The following NDUFAF2 variants were observed in gnomAD, a reference collection of about 807,000 sequenced individuals.
NDUFAF2 encodes the protein NADH:ubiquinone oxidoreductase complex assembly factor 2.
NDUFAF2 carries 13 observed loss-of-function variants against 22.8 expected under a neutral mutation model. The observed-to-expected ratio is 0.57, with a 90% confidence interval of 0.37 to 0.91. NDUFAF2 has a LOEUF of 0.91. Ranked by LOEUF, NDUFAF2 falls within the 40% of genes least tolerant of loss-of-function variation. The probability of loss-of-function intolerance (pLI) is 0.01; values close to 1 mark genes in which losing one functional copy is unlikely to be tolerated. For synonymous variants in NDUFAF2, 53 were observed against 64.2 expected, an observed-to-expected ratio of 0.83 and a Z score of 0.84; for missense variants, 162 against 195.2, an observed-to-expected ratio of 0.83 and a Z score of 1.01.
At chr5:60,960,727 A>T (rs1750672519) in intron 1 of NDUFAF2, among the ~76,000 whole-genome samples, 1 of 151,890 alleles carries the variant, frequency 6.6e-6, no homozygotes, top group African/African-American at 2.4e-5. Context: ...AATGTACCTG[A>T]TTTTTTTTAA....
At chr5:61,136,005 T>TTATATATATATACATATATA (rs1740925315) in intron 3 of NDUFAF2, among the ~76,000 whole-genome samples, 1 of 96,052 alleles carries the variant, frequency 1.0e-5, no homozygotes, top group Non-Finnish European at 2.0e-5. Flanking sequence ...AAGCCTGTCT[T>TTATATATATATACATATATA]TATATATATA....
intron 1 of NDUFAF2, among the ~76,000 whole-genome samples, chr5:60,955,580 A>C (rs1303337188): frequency 6.6e-6 from 1 of 151,836 alleles, no homozygotes; most frequent in Non-Finnish European, 1.5e-5. Context: ...GAATTTTAGG[A>C]TTGTTGTTTC....
chr5:60,986,649 G>A (rs188155657), intron 1 of NDUFAF2, among the ~76,000 whole-genome samples: 1 of 152,088 alleles, frequency 6.6e-6, no homozygotes, highest in Non-Finnish European at 1.5e-5. Flanking sequence ...ATGAAAAACT[G>A]GCCAGGCATG....
intron 1 of NDUFAF2, among the ~76,000 whole-genome samples, chr5:60,958,779 C>T (rs1210822426): frequency 6.6e-6 from 1 of 152,040 alleles, no homozygotes; most frequent in Non-Finnish European, 1.5e-5. Context: ...TTAAGATATA[C>T]TTTTCTTTTT....
chr5:61,098,469 G>A lies in NDUFAF2; in HGVS notation c.218-523G>A, dbSNP rs532243742. Among the ~76,000 whole-genome samples, 341 of 152,322 alleles carry A rather than the reference G, an allele frequency of 2.2e-3. 1 individual carries two copies. The highest frequency in any genetic ancestry group is 3.7e-3 in the Non-Finnish European group (255 of 68,032). On this transcript the variant is annotated intron_variant, in intron 2 of 3. Transcript: ENST00000296597. ...AACAAATGTGGGCTCTATCTCTGCAGCCCATCTGCCAAGTGTTAGAGCTAA... is the reference window on the plus strand; with the variant it reads ...AACAAATGTGGGCTCTATCTCTGCAACCCATCTGCCAAGTGTTAGAGCTAA...
chr5:61,017,135 G>C (rs162234), intron 1 of NDUFAF2, among the ~76,000 whole-genome samples: 96,197 of 152,022 alleles, frequency 0.63, 30,891 homozygotes, highest in East Asian at 0.94. Flanking sequence ...GATAGAGGTA[G>C]GCGTCAAACA....
chr5:61,064,368 G>C (rs149746197), intron 1 of NDUFAF2, among the ~76,000 whole-genome samples: 2,052 of 152,150 alleles, frequency 0.013, 22 homozygotes, highest in Non-Finnish European at 0.02. Context: ...GGAAATACTG[G>C]ACTTGAATTG....
intron 2 of NDUFAF2, among the ~76,000 whole-genome samples, chr5:61,073,582 G>T (rs1278125886): frequency 6.6e-6 from 1 of 152,174 alleles, no homozygotes; most frequent in Non-Finnish European, 1.5e-5. Context: ...ACATGAACTT[G>T]CAAAGTAACT....
At chr5:61,058,214 C>T (rs1267602708) in intron 1 of NDUFAF2, among the ~76,000 whole-genome samples, 1 of 152,070 alleles carries the variant, frequency 6.6e-6, no homozygotes, top group African/African-American at 2.4e-5. Context: ...AAGCTTTTCA[C>T]ATACTATAAT....
chr5:60,950,247 C>T (rs148183536), intron 1 of NDUFAF2, among the ~76,000 whole-genome samples: 2,005 of 152,072 alleles, frequency 0.013, 48 homozygotes, highest in African/African-American at 0.046. Context: ...AGTGCAATAG[C>T]GTGATCTTGG....
chr5:61,075,918 G>A (rs1365174576), intron 2 of NDUFAF2, among the ~76,000 whole-genome samples: 1 of 152,068 alleles, frequency 6.6e-6, no homozygotes, highest in African/African-American at 2.4e-5. Flanking sequence ...TATTTAGTAG[G>A]TATCTATTAA....
intron 3 of NDUFAF2, among the ~76,000 whole-genome samples, chr5:61,148,070 T>C (rs1361560379): frequency 6.6e-6 from 1 of 152,196 alleles, no homozygotes; most frequent in Admixed American, 6.5e-5. Context: ...ACTATGCAGA[T>C]TTCTAAAACT....
intron 1 of NDUFAF2, among the ~76,000 whole-genome samples, chr5:60,953,682 A>G (rs185853443): frequency 1.3e-5 from 2 of 152,272 alleles, no homozygotes; most frequent in Admixed American, 1.3e-4. Context: ...GTCTAGAGAA[A>G]AGCAAGCAGT....
At chr5:61,109,186 TA>T (rs566507790) in intron 3 of NDUFAF2, among the ~76,000 whole-genome samples, 46 of 152,336 alleles carry the variant, frequency 3.0e-4, no homozygotes, top group African/African-American at 1.1e-3. Flanking sequence ...TTGGTTAAGT[TA>T]AATCCTAGGC....
intron 1 of NDUFAF2, among the ~76,000 whole-genome samples, chr5:60,960,009 C>T (rs1383350951): frequency 2.0e-5 from 3 of 152,106 alleles, no homozygotes; most frequent in Non-Finnish European, 4.4e-5. Flanking sequence ...TGTTCACAGT[C>T]GTACCTGTCA....
chr5:60,972,737 A>G (rs1374268073), intron 1 of NDUFAF2, among the ~76,000 whole-genome samples: 1 of 145,664 alleles, frequency 6.9e-6, no homozygotes, highest in African/African-American at 2.5e-5. Flanking sequence ...AAGTAGAAAA[A>G]CTAAGCACAT....
chr5:61,056,614 A>C (rs1024836400), intron 1 of NDUFAF2, among the ~76,000 whole-genome samples: 1 of 152,080 alleles, frequency 6.6e-6, no homozygotes, highest in East Asian at 1.9e-4. Context: ...ATGGCTGGGC[A>C]CGGTGGCCCA....
intron 1 of NDUFAF2, among the ~76,000 whole-genome samples, chr5:60,993,673 A>G (rs1751190384): frequency 6.6e-6 from 1 of 151,866 alleles, no homozygotes; most frequent in Non-Finnish European, 1.5e-5. Context: ...GCAGCTGTCA[A>G]CAGAGAGGAG....
At chr5:60,947,442 A>C (rs2112560454) in intron 1 of NDUFAF2, among the ~76,000 whole-genome samples, 1 of 152,242 alleles carries the variant, frequency 6.6e-6, no homozygotes, top group East Asian at 1.9e-4. Context: ...ATCTTCGGTG[A>C]AGTATTGTTC....
Sources: gnomAD v4.1 joint callset for allele counts (sites outside exome capture counted in the v4.1 genomes callset) on GRCh38, gnomAD v4.1.1 for gene constraint, MANE v1.5 for transcripts, NCBI Gene and HGNC (gene_info 2026-07-23, HGNC 2026-07-21) for gene names.